Variants in PSTK observed in about 807,000 individuals in gnomAD.
The protein encoded by PSTK is L-seryl-tRNA(Sec) kinase.
PSTK carries 26 observed loss-of-function variants against 38.6 expected under a neutral mutation model. The ratio of observed to expected loss-of-function variants is 0.67; its 90% CI spans 0.49 to 0.94. PSTK has a LOEUF of 0.94. Ranked by LOEUF, PSTK falls within the 40% of genes least tolerant of loss-of-function variation. The pLI is 0.00. For missense variants in PSTK, 445 were observed against 436.3 expected, an observed-to-expected ratio of 1.02 and a Z score of -0.18; for synonymous variants, 181 against 161.7, an observed-to-expected ratio of 1.12 and a Z score of -0.91.
In PSTK at chr10:122,990,196, C is replaced by T. The variant is rs1469276821; in HGVS notation, c.900C>T (p.Asn300=). 6.6e-7 allele frequency: 1 copy of T among 1,522,008 alleles called. No homozygotes were observed. The highest frequency in any genetic ancestry group is 1.3e-5 in the South Asian group (1 of 77,030). The allele number at this position is 1,522,008 out of a possible 1,614,324, so 94.3% of individuals were successfully genotyped here. A position where few individuals can be genotyped will look rare whatever the true frequency, so the allele number is the denominator to read the frequency against. Residue 300 remains asparagine, a synonymous_variant, in exon 6 of 6, where the codon AAC becomes AAT. Transcript: ENST00000406217. ...TAGATGAACAAGTGCTTCCTCACAA[C>T]TTGAAGCTTCTAGCAGAAGAACTTA... The part of the protein sequence containing the change: ...EAKDEQVLPH[N]LKLLAEELNK...
At chr10:122,988,592 TAA>T (rs1228716541) in intron 5 of PSTK, among the ~76,000 whole-genome samples, 3 of 152,148 alleles carry the variant, frequency 2.0e-5, no homozygotes, top group African/African-American at 7.2e-5. Context: ...CACTCAATAA[TAA>T]ACACAACCCA....
chr10:122,980,882 C>T lies in PSTK; in HGVS notation c.216+187C>T, dbSNP rs1848951763. 18 of 934,828 alleles carry T rather than the reference C, an allele frequency of 1.9e-5. No individual in the cohort carries two copies. Among genetic ancestry groups the T allele is most frequent in the Non-Finnish European group, 2.3e-5 (18 of 783,678 alleles). 57.9% of individuals were successfully genotyped at this position (934,828 alleles called of 1,614,324 possible). A position where few individuals can be genotyped will look rare whatever the true frequency, so the allele number is the denominator to read the frequency against. On this transcript the variant is annotated intron_variant, in intron 1 of 5. Transcript: ENST00000406217. The surrounding 1 kb of genome is among the most constrained non-coding windows in gnomAD (Gnocchi z 4.3). Reference sequence around the variant, plus strand: ...TTACTGCAGAGGGTGAATGCGTTGGCTGTAGAAAGTGGTTACAAAGCCAAC... The same window carrying T: ...TTACTGCAGAGGGTGAATGCGTTGGTTGTAGAAAGTGGTTACAAAGCCAAC...
At position 122,990,147 on chromosome 10, in the gene PSTK, TAATTTGAG is replaced by T; in HGVS notation, c.878-23_878-16del. 1 of 1,462,244 alleles carries T rather than the reference TAATTTGAG, an allele frequency of 6.8e-7. No homozygotes were observed. The highest frequency in any genetic ancestry group is 1.4e-5 in the African/African-American group (1 of 69,584). The allele number at this position is 1,462,244 out of a possible 1,614,324, so 90.6% of individuals were successfully genotyped here. On this transcript the variant is annotated intron_variant, in intron 5 of 5. Coordinates refer to ENST00000406217, the MANE Select transcript of PSTK (RefSeq NM_001363531.2). ...CCCGGATTACTTTAATTTACACCAG[TAATTTGAG>T]AATATCTTTTTATTTTAGATGAACA...
intron 3 of PSTK, 25 bp from the exon 4 acceptor site, chr10:122,986,275 G>A: frequency 8.7e-7 from 1 of 1,149,272 alleles, no homozygotes; most frequent in Non-Finnish European, 1.3e-6. Flanking sequence ...AGGATCTATT[G>A]TATTTTATCC....
intron 4 of PSTK, 40 bp downstream of exon 4, chr10:122,986,415 C>A: frequency 2.2e-6 from 3 of 1,364,068 alleles, no homozygotes; most frequent in Non-Finnish European, 3.1e-6. Context: ...TGAGAAGGAA[C>A]AACTTTTTGT....
intron 5 of PSTK, among the ~76,000 whole-genome samples, chr10:122,987,760 A>C (rs1367776651): frequency 1.3e-5 from 2 of 152,224 alleles, no homozygotes; most frequent in African/African-American, 4.8e-5. Context: ...TAATCTTCAC[A>C]GTCCTATAAG....
At chr10:122,985,366 A>G (rs1849019853) in intron 3 of PSTK, 1 of 152,246 alleles carries the variant, frequency 6.6e-6, no homozygotes. Flanking sequence ...GTCTTTGCTC[A>G]CTTATCTACT....
chr10:122,987,664 A>G (rs1209524387), intron 5 of PSTK, among the ~76,000 whole-genome samples: 6 of 152,210 alleles, frequency 3.9e-5, no homozygotes, highest in Non-Finnish European at 8.8e-5. Context: ...CTGTATTGCT[A>G]TATTTAAAAT....
At chr10:122,989,797 A>C (rs533616050) in intron 5 of PSTK, among the ~76,000 whole-genome samples, 4 of 152,368 alleles carry the variant, frequency 2.6e-5, no homozygotes, top group African/African-American at 9.6e-5. Context: ...TATGTTGGAC[A>C]ACTACTGTTC....
At position 122,982,789 on chromosome 10, in the gene PSTK, GATGGCTGTCATTA is replaced by G. The variant is rs760219339; in HGVS notation, c.278_290del (p.Ala93GlyfsTer19). 8 of 1,614,180 alleles carry G rather than the reference GATGGCTGTCATTA, an allele frequency of 5.0e-6. No individual in the cohort carries two copies. In the Admixed American group the frequency reaches 1.3e-4, roughly 27 times the overall value. Reference sequence around the variant, plus strand: ...TGTTGAAGTACCTGGAATACTTCTTGATGGCTGTCATTAATGGGTGTCAGATGTCTGTCCCACC... The same window carrying G: ...TGTTGAAGTACCTGGAATACTTCTTGATGGGTGTCAGATGTCTGTCCCACC... On this transcript the variant is annotated frameshift_variant, in exon 2 of 6. Transcript: ENST00000406217. LOFTEE classifies it high-confidence loss of function.
Position 122,990,387 on chromosome 10 carries a change from C to T in PSTK, c.*14C>T, listed in dbSNP as rs983677115. On this transcript the variant is annotated 3_prime_UTR_variant, in exon 6 of 6. Coordinates refer to ENST00000406217, the MANE Select transcript of PSTK (RefSeq NM_001363531.2). ...AAGCAGCATTAAAATTTCTGAACTGCCAATCAAATGTCTCATTTTGGTAAG... is the reference window on the plus strand; with the variant it reads ...AAGCAGCATTAAAATTTCTGAACTGTCAATCAAATGTCTCATTTTGGTAAG... The T allele has an allele frequency of 1.0e-5, 14 of 1,355,094 alleles. No homozygotes were observed. Among genetic ancestry groups the T allele is most frequent in the Non-Finnish European group, 1.3e-5 (13 of 1,015,058 alleles). 83.9% of individuals were successfully genotyped at this position (1,355,094 alleles called of 1,614,324 possible). A position where few individuals can be genotyped will look rare whatever the true frequency, so the allele number is the denominator to read the frequency against.
In PSTK at chr10:122,983,035, CTT is replaced by C. The variant is rs558435354; in HGVS notation, c.508+19_508+20del. ...AGCTGGCTCGGAAATGTAATTAAAA[CTT>C]TTTTTTTCTTACACATGGAGATACT... is the stretch of plus-strand genomic sequence containing the variant. On this transcript the variant is annotated intron_variant, in intron 2 of 5. Transcript: ENST00000406217. 1 of 1,564,550 alleles carries C rather than the reference CTT, an allele frequency of 6.4e-7. No homozygotes were observed. The highest frequency in any genetic ancestry group is 2.2e-5 in the East Asian group (1 of 44,464).
At chr10:122,987,813 G>T (rs1028755826) in intron 5 of PSTK, among the ~76,000 whole-genome samples, 2 of 152,168 alleles carry the variant, frequency 1.3e-5, no homozygotes, top group African/African-American at 2.4e-5. Flanking sequence ...GTTCATAGAG[G>T]AACAAGTAAC....
intron 1 of PSTK, chr10:122,982,368 G>A (rs1848971798): frequency 1.1e-5 from 2 of 190,160 alleles, no homozygotes; most frequent in Non-Finnish European, 2.2e-5. Flanking sequence ...CCCTCTGCTG[G>A]AGGCTGAGTA....
chr10:122,980,604 T>C lies in PSTK; in HGVS notation c.125T>C (p.Leu42Pro). 1.9e-6 allele frequency: 3 copies of C among 1,612,224 alleles called. No homozygotes were observed. Among genetic ancestry groups the C allele is most frequent in the Non-Finnish European group, 2.5e-6 (3 of 1,179,628 alleles). ...STFARALAHR[L>P]QQEQGWAIGV... ...TTCGCGCGCGCCCTCGCCCACCGGC[T>C]GCAGCAGGAGCAGGGTTGGGCCATC... Residue 42 changes from leucine (L) to proline (P), a missense_variant, in exon 1 of 6, where the codon CTG becomes CCG. Leu to Pro is a moderately conservative substitution (Grantham distance 98). Coordinates refer to ENST00000406217, the MANE Select transcript of PSTK (RefSeq NM_001363531.2). This position sits in a 1 kb window ranked among gnomAD's most constrained non-coding sequence, Gnocchi z 4.3.
chr10:122,990,249 A>G lies in PSTK; in HGVS notation c.953A>G (p.Asp318Gly). 2 of 1,543,182 alleles carry G rather than the reference A, an allele frequency of 1.3e-6. No homozygotes were observed. The highest frequency in any genetic ancestry group is 1.7e-6 in the Non-Finnish European group (2 of 1,144,708). The change falls in exon 6 of 6, where the codon GAC becomes GGC. Residue 318 changes from aspartate (D) to glycine (G), a missense_variant. Asp to Gly is a moderately conservative substitution (Grantham distance 94). Coordinates refer to ENST00000406217, the MANE Select transcript of PSTK (RefSeq NM_001363531.2). The part of the protein sequence containing the change: ...LNKLKAEFLE[D>G]LKQGNKKYLC... ...AAGCTCAAAGCAGAGTTTTTGGAAG[A>G]CCTAAAACAAGGAAACAAAAAATAT...
Position 122,980,602 on chromosome 10 carries a change from G to C in PSTK, c.123G>C (p.Arg41=), listed in dbSNP as rs1270028232. Residue 41 remains arginine, a synonymous_variant, in exon 1 of 6, where the codon CGG becomes CGC. Transcript: ENST00000406217. The surrounding 1 kb of genome is among the most constrained non-coding windows in gnomAD (Gnocchi z 4.3). Reference sequence around the variant, plus strand: ...CTTTCGCGCGCGCCCTCGCCCACCGGCTGCAGCAGGAGCAGGGTTGGGCCA... The same window carrying C: ...CTTTCGCGCGCGCCCTCGCCCACCGCCTGCAGCAGGAGCAGGGTTGGGCCA... The part of the protein sequence containing the change: ...KSTFARALAH[R]LQQEQGWAIG... 6.2e-7 allele frequency: 1 copy of C among 1,612,172 alleles called. No homozygotes were observed. Among genetic ancestry groups the C allele is most frequent in the Non-Finnish European group, 8.5e-7 (1 of 1,179,596 alleles).
chr10:122,982,636 G>A, intron 1 of PSTK, 97 bp from the exon 2 acceptor site: 1 of 981,792 alleles, frequency 1.0e-6, no homozygotes, highest in Non-Finnish European at 1.5e-6. Flanking sequence ...TCCGTATTGT[G>A]AGCTGAAATT....
chr10:122,990,199 G>A lies in PSTK; in HGVS notation c.903G>A (p.Leu301=). 4 of 1,522,950 alleles carry A rather than the reference G, an allele frequency of 2.6e-6. No individual in the cohort carries two copies. The highest frequency in any genetic ancestry group is 3.5e-6 in the Non-Finnish European group (4 of 1,139,448). The allele number at this position is 1,522,950 out of a possible 1,614,324, so 94.3% of individuals were successfully genotyped here. Residue 301 remains leucine, a synonymous_variant, in exon 6 of 6, where the codon TTG becomes TTA. Transcript: ENST00000406217. ...ATGAACAAGTGCTTCCTCACAACTT[G>A]AAGCTTCTAGCAGAAGAACTTAACA... ...AKDEQVLPHN[L]KLLAEELNKL...
Sources: gnomAD v4.1 joint callset for allele counts (sites outside exome capture counted in the v4.1 genomes callset) on GRCh38, gnomAD v4.1.1 for gene constraint, Gnocchi (gnomAD v3.1) non-coding constraint, MANE v1.5 for transcripts, NCBI Gene and HGNC (gene_info 2026-07-23, HGNC 2026-07-21) for gene names.